The following FAM20C variants were observed in gnomAD, a reference collection of about 807,000 sequenced individuals.
FAM20C encodes extracellular serine/threonine protein kinase FAM20C.
A neutral mutation model predicts 51.5 loss-of-function variants in FAM20C; 40 were observed. That is an observed-to-expected ratio of 0.78 (90% CI 0.60 to 1.01). The LOEUF (loss-of-function observed/expected upper bound fraction) is 1.01. FAM20C is among the 50% of genes least tolerant of loss of function. The probability of loss-of-function intolerance (pLI) is 0.00; values close to 1 mark genes in which losing one functional copy is unlikely to be tolerated. For missense variants in FAM20C, 861 were observed against 844.7 expected, an observed-to-expected ratio of 1.02 and a Z score of -0.24; for synonymous variants, 406 against 380.6, an observed-to-expected ratio of 1.07 and a Z score of -0.78.
intron 3 of FAM20C, among the ~76,000 whole-genome samples, chr7:224,042 GCCTTCTCT>G (rs1325403329): frequency 0.016 from 2,398 of 149,672 alleles, 34 homozygotes; most frequent in Middle Eastern, 0.062. Context: ...TGTCCCCTGA[GCCTTCTCT>G]CATTGCGCAG....
chr7:240,337 TTATGATGTTGATA>T (rs1440494782), intron 3 of FAM20C, among the ~76,000 whole-genome samples: 1,008 of 34,076 alleles, frequency 0.03, 16 homozygotes, highest in Admixed American at 0.059. Context: ...GAGGTGATGA[TTATGATGTTGATA>T]AAGGATGATA....
At chr7:231,790 T>A (rs1787700147) in intron 3 of FAM20C, among the ~76,000 whole-genome samples, 1 of 152,152 alleles carries the variant, frequency 6.6e-6, no homozygotes, top group South Asian at 2.1e-4. Flanking sequence ...TCTGCCTGTC[T>A]GGCAGGGTTT....
At chr7:254,505 G>A (rs542844954) in intron 5 of FAM20C, among the ~76,000 whole-genome samples, 2 of 152,346 alleles carry the variant, frequency 1.3e-5, no homozygotes, top group African/African-American at 2.4e-5. Context: ...CAGGAATAGC[G>A]CCGTCGGCCG....
At chr7:245,855 G>C (rs538471638) in intron 3 of FAM20C, 1 of 152,678 alleles carries the variant, frequency 6.5e-6, no homozygotes, top group Non-Finnish European at 1.5e-5. Context: ...GGGACAGGGC[G>C]GTGCCCACAT....
rs147291456 is a variant in FAM20C at position 249,608 on chromosome 7, C to T, written c.1072+1178C>T. 2.0e-3 allele frequency among the ~76,000 whole-genome samples: 307 copies of T among 152,200 alleles called. 1 individual carries two copies. Among genetic ancestry groups the T allele is most frequent in the African/African-American group, 7.1e-3 (293 of 41,510 alleles). On this transcript the variant is annotated intron_variant, in intron 5 of 9. Transcript: ENST00000313766. ...TTAAAAAATTAGCCAGCCGTGGTGG[C>T]GCTTATCTGTGGTCCCAGCTACTCA... is the stretch of plus-strand genomic sequence containing the variant.
intron 2 of FAM20C, among the ~76,000 whole-genome samples, chr7:207,611 A>G (rs955087043): frequency 1.3e-5 from 2 of 152,020 alleles, no homozygotes; most frequent in East Asian, 1.9e-4. Flanking sequence ...ACCACGTTCC[A>G]TTTACGTCTG....
At chr7:256,464 C>T in intron 6 of FAM20C, 190 bp from the exon 7 acceptor site, 2 of 606,634 alleles carry the variant, frequency 3.3e-6, no homozygotes, top group South Asian at 2.0e-5. Flanking sequence ...CACCCCGAGG[C>T]AGGGCAGAGC....
intron 2 of FAM20C, among the ~76,000 whole-genome samples, chr7:207,706 A>T (rs117393004): frequency 1.1e-4 from 16 of 152,272 alleles, no homozygotes; most frequent in Non-Finnish European, 1.9e-4. Context: ...AGGCCCCCTC[A>T]CACCAGACAA....
At chr7:204,093 C>T (rs1046328431) in intron 2 of FAM20C, among the ~76,000 whole-genome samples, 3 of 152,230 alleles carry the variant, frequency 2.0e-5, no homozygotes, top group Non-Finnish European at 4.4e-5. Flanking sequence ...AAGCTTCAGG[C>T]GCCCATCCGT....
At chr7:222,885 G>A (rs202151393) in intron 3 of FAM20C, among the ~76,000 whole-genome samples, 1 of 112,884 alleles carries the variant, frequency 8.9e-6, no homozygotes, top group Admixed American at 8.4e-5. Context: ...CGTGTGTGAC[G>A]TGTACATGTG....
chr7:255,229 C>T (rs1321198776), intron 5 of FAM20C, among the ~76,000 whole-genome samples: 3 of 152,182 alleles, frequency 2.0e-5, no homozygotes, highest in Non-Finnish European at 4.4e-5. Context: ...GGTGGCGGTT[C>T]CCCCGTCCCA....
chr7:248,302 C>T lies in FAM20C; in HGVS notation c.957-13C>T, dbSNP rs545071136. 48 of 1,530,944 alleles carry T rather than the reference C, an allele frequency of 3.1e-5. No homozygotes were observed. The highest frequency in any genetic ancestry group is 2.6e-4 in the African/African-American group (19 of 73,098). The allele number at this position is 1,530,944 out of a possible 1,614,324, so 94.8% of individuals were successfully genotyped here. A position where few individuals can be genotyped will look rare whatever the true frequency, so the allele number is the denominator to read the frequency against. ...CACAGAGCACAGACCATTCCCCGCC[C>T]GTTTCTTGCCAGGATCCTGGACTTC... On this transcript the variant is annotated splice_polypyrimidine_tract_variant and intron_variant, in intron 4 of 9. Transcript: ENST00000313766.
At chr7:207,907 T>C (rs1382896936) in intron 2 of FAM20C, among the ~76,000 whole-genome samples, 1 of 152,142 alleles carries the variant, frequency 6.6e-6, no homozygotes, top group Non-Finnish European at 1.5e-5. Flanking sequence ...CCCGAGGTGG[T>C]GGGAGGAGGG....
chr7:220,448 G>A (rs1336207433), intron 3 of FAM20C, among the ~76,000 whole-genome samples: 3 of 152,126 alleles, frequency 2.0e-5, no homozygotes, highest in Non-Finnish European at 2.9e-5. Flanking sequence ...ACGCAGGAAC[G>A]TTTCAGAGAG....
intron 1 of FAM20C, among the ~76,000 whole-genome samples, chr7:194,714 G>C (rs971240251): frequency 6.6e-6 from 1 of 152,178 alleles, no homozygotes; most frequent in Non-Finnish European, 1.5e-5. Context: ...CTGGGCTGTG[G>C]CTCTCGGCAG....
intron 3 of FAM20C, chr7:228,109 G>A (rs1479266296): frequency 3.7e-6 from 1 of 268,400 alleles, no homozygotes; most frequent in Admixed American, 4.7e-5. Flanking sequence ...GCTGATGGGG[G>A]ACGGCGGGCT....
chr7:230,525 G>A (rs1787628719), intron 3 of FAM20C, among the ~76,000 whole-genome samples: 2 of 152,220 alleles, frequency 1.3e-5, no homozygotes, highest in South Asian at 4.1e-4. Context: ...GTGGATGGAG[G>A]GTGGCCGGGC....
chr7:245,129 C>T (rs573512135), intron 3 of FAM20C, among the ~76,000 whole-genome samples: 16 of 152,226 alleles, frequency 1.1e-4, no homozygotes, highest in African/African-American at 2.9e-4. Flanking sequence ...GGCGGACCTC[C>T]GCTGCGTATA....
In FAM20C at chr7:259,952, C is replaced by A. The variant is rs1788816778; in HGVS notation, c.1727C>A (p.Thr576Asn). The A allele has an allele frequency of 1.3e-6, 2 of 1,525,570 alleles. No homozygotes were observed. The highest frequency in any genetic ancestry group is 1.4e-5 in the African/African-American group (1 of 72,868). The allele number at this position is 1,525,570 out of a possible 1,614,324, so 94.5% of individuals were successfully genotyped here. The change falls in exon 10 of 10, where the codon ACT becomes AAT. Residue 576 changes from threonine to asparagine, a missense_variant. By Grantham distance (65) the Thr-to-Asn change is moderately conservative. Coordinates refer to ENST00000313766, the MANE Select transcript of FAM20C (RefSeq NM_020223.4). ...LHSVVDDDLD[T>N]EHRAASAR ...AGCGTGGTGGATGACGACCTGGACA[C>A]TGAGCACAGAGCCGCCTCGGCGAGG...
Sources: gnomAD v4.1 joint callset for allele counts (sites outside exome capture counted in the v4.1 genomes callset) on GRCh38, gnomAD v4.1.1 for gene constraint, MANE v1.5 for transcripts, NCBI Gene and HGNC (gene_info 2026-07-23, HGNC 2026-07-21) for gene names.